The following HTR3B variants were observed in gnomAD, a reference collection of about 807,000 sequenced individuals.
HTR3B encodes the protein 5-hydroxytryptamine receptor 3B, also known as 5-hydroxytryptamine (serotonin) receptor 3B, ionotropic.
In HTR3B, 44 loss-of-function variants were observed where a neutral mutation model predicts 42.8. That is an observed-to-expected ratio of 1.03 (90% CI 0.81 to 1.32). The LOEUF (loss-of-function observed/expected upper bound fraction) is 1.32. Ranked by LOEUF, HTR3B falls within the 40% of genes most tolerant of loss-of-function variation. HTR3B has a pLI of 0.00. For synonymous variants in HTR3B, 203 were observed against 209.0 expected (o/e 0.97, Z 0.25); for missense variants, 527 against 536.5 (o/e 0.98, Z 0.17).
intron 2 of HTR3B, among the ~76,000 whole-genome samples, chr11:113,918,951 C>G (rs1446345605): frequency 6.6e-6 from 1 of 152,134 alleles, no homozygotes; most frequent in Non-Finnish European, 1.5e-5. Context: ...GCCACAGTGA[C>G]CAGCCAATCT....
intron 2 of HTR3B, 83 bp from the exon 3 acceptor site, chr11:113,931,301 C>A: frequency 1.0e-6 from 1 of 979,770 alleles, no homozygotes; most frequent in Non-Finnish European, 1.6e-6. Context: ...TGATTTTCTT[C>A]TTCTGAATTT....
rs141855240 is a variant in HTR3B, at chr11:113,932,522, A to C, written c.538+64A>C. On this transcript the variant is annotated intron_variant, in intron 5 of 8. Coordinates refer to ENST00000260191, the MANE Select transcript of HTR3B (RefSeq NM_006028.5). ...CACATAGGTGAAATGATATTATACT[A>C]TCCTTCAGGTCTATTTTATTCTTGC... The C allele has an allele frequency of 6.5e-5, 81 of 1,252,614 alleles. No homozygotes were observed. The African/African-American group carries it at 1.1e-3, about 17-fold the overall frequency. The allele number at this position is 1,252,614 out of a possible 1,614,324, so 77.6% of individuals were successfully genotyped here. A position where few individuals can be genotyped will look rare whatever the true frequency, so the allele number is the denominator to read the frequency against.
At chr11:113,935,435 G>C (rs774846149) in intron 6 of HTR3B, among the ~76,000 whole-genome samples, 1 of 124,726 alleles carries the variant, frequency 8.0e-6, no homozygotes, top group African/African-American at 2.6e-5. Flanking sequence ...AGAGTAGGGA[G>C]AGAATCCTGA....
At chr11:113,911,867 G>A (rs1591571044) in intron 2 of HTR3B, among the ~76,000 whole-genome samples, 1 of 152,022 alleles carries the variant, frequency 6.6e-6, no homozygotes, top group African/African-American at 2.4e-5. Flanking sequence ...AAAGATCCCC[G>A]AAAAGGTCCC....
intron 5 of HTR3B, among the ~76,000 whole-genome samples, 197 bp downstream of exon 5, chr11:113,932,655 A>ACG (rs397802872): frequency 1.3e-5 from 2 of 151,512 alleles, no homozygotes; most frequent in African/African-American, 2.4e-5. Context: ...TTTTGGAAAC[A>ACG]GTGTTAGGCC....
At chr11:113,928,562 G>A (rs1949999273) in intron 2 of HTR3B, among the ~76,000 whole-genome samples, 2 of 151,896 alleles carry the variant, frequency 1.3e-5, no homozygotes, top group Admixed American at 6.6e-5. Context: ...TTTTGAGACG[G>A]AGTATCATTC....
At chr11:113,943,331 G>A (rs1208850902) in intron 7 of HTR3B, 139 bp downstream of exon 7, 51 of 707,078 alleles carry the variant, frequency 7.2e-5, no homozygotes, top group Non-Finnish European at 2.0e-5. Flanking sequence ...CAGCTCAGGA[G>A]TTCAAGACCA....
intron 6 of HTR3B, among the ~76,000 whole-genome samples, chr11:113,940,831 C>T (rs991231160): frequency 3.3e-5 from 5 of 152,178 alleles, no homozygotes; most frequent in African/African-American, 1.2e-4. Context: ...TGCCCTGGCT[C>T]ATTTCTTTGT....
At chr11:113,942,907 C>T in intron 6 of HTR3B, 75 bp from the exon 7 acceptor site, 1 of 1,272,500 alleles carries the variant, frequency 7.9e-7, no homozygotes, top group Admixed American at 1.8e-5. Flanking sequence ...GGGAGAATTC[C>T]TGGCTATGAA....
At chr11:113,943,651 A>G (rs1427958656) in intron 7 of HTR3B, among the ~76,000 whole-genome samples, 2 of 151,702 alleles carry the variant, frequency 1.3e-5, no homozygotes, top group Non-Finnish European at 2.9e-5. Flanking sequence ...GTTTGTTTTT[A>G]TCCCCAATTT....
At chr11:113,921,748 T>C (rs1949917008) in intron 2 of HTR3B, among the ~76,000 whole-genome samples, 2 of 152,194 alleles carry the variant, frequency 1.3e-5, no homozygotes, top group Non-Finnish European at 2.9e-5. Flanking sequence ...TTTTTCTAAC[T>C]CTTTCTTCCT....
intron 6 of HTR3B, among the ~76,000 whole-genome samples, chr11:113,939,122 G>A (rs781262701): frequency 6.6e-6 from 1 of 152,136 alleles, no homozygotes; most frequent in East Asian, 1.9e-4. Context: ...TTAGAAATGC[G>A]AACATCCTTC....
intron 1 of HTR3B, among the ~76,000 whole-genome samples, chr11:113,907,154 A>G (rs866124570): frequency 1.7e-4 from 26 of 152,314 alleles, no homozygotes; most frequent in Middle Eastern, 6.8e-3. Flanking sequence ...AGTGCTTCAT[A>G]GCTCAGTCCC....
chr11:113,943,774 C>T (rs1950155003), intron 7 of HTR3B, among the ~76,000 whole-genome samples: 1 of 151,262 alleles, frequency 6.6e-6, no homozygotes, highest in Admixed American at 6.6e-5. Flanking sequence ...GATCCCACCA[C>T]TGCACTCCAG....
At chr11:113,927,908 C>G (rs1949992109) in intron 2 of HTR3B, among the ~76,000 whole-genome samples, 1 of 152,150 alleles carries the variant, frequency 6.6e-6, no homozygotes, top group South Asian at 2.1e-4. Context: ...TTCCAGGATA[C>G]ATGTGCAGGA....
intron 2 of HTR3B, among the ~76,000 whole-genome samples, chr11:113,916,732 T>A (rs1949857460): frequency 6.6e-6 from 1 of 152,248 alleles, no homozygotes; most frequent in Non-Finnish European, 1.5e-5. Context: ...TAATGTTTCA[T>A]CATTTTTAGC....
rs1949781140 is a variant in HTR3B, at chr11:113,910,516, C to CT, written c.213+1062dup. Among the ~76,000 whole-genome samples, 4 of 151,298 alleles carry CT rather than the reference C, an allele frequency of 2.6e-5. No individual in the cohort carries two copies. The South Asian group carries it at 8.4e-4, about 32-fold the overall frequency. ...AGTCCAATGGCACGATCTCGGCTCA[C>CT]TGCAACCTTTGCGTCCCCGGTTCAA... On this transcript the variant is annotated intron_variant, in intron 2 of 8. Coordinates refer to ENST00000260191, the MANE Select transcript of HTR3B (RefSeq NM_006028.5).
intron 2 of HTR3B, among the ~76,000 whole-genome samples, chr11:113,924,221 A>G (rs1182536274): frequency 2.6e-5 from 4 of 152,124 alleles, no homozygotes; most frequent in Admixed American, 2.0e-4. Context: ...TTTTCTTTCT[A>G]TTTGTGGGGA....
At chr11:113,902,928 G>A (rs1386263556), upstream of HTR3B, among the ~76,000 whole-genome samples, 2 of 152,208 alleles carry the variant, frequency 1.3e-5, no homozygotes, top group East Asian at 1.9e-4. Flanking sequence ...GAGTGCAGTG[G>A]CACAATCACA....
Sources: allele counts gnomAD v4.1 joint callset (sites outside exome capture counted in the v4.1 genomes callset), GRCh38; gene constraint gnomAD v4.1.1; transcripts MANE v1.5; gene names NCBI Gene and HGNC (gene_info 2026-07-23, HGNC 2026-07-21).